TOP6BL: variants seen among roughly 807,000 people sequenced by gnomAD.
The protein encoded by TOP6BL is type 2 DNA topoisomerase 6 subunit B-like.
chr11:66,788,378 G>A, the TOP6BL span: 3 of 829,190 alleles, frequency 3.6e-6, no homozygotes, highest in Non-Finnish European at 3.8e-6. Context: ...AAGCTGGAAT[G>A]AAATAAGGCA....
the TOP6BL span, among the ~76,000 whole-genome samples, chr11:66,771,086 ACACT>A: frequency 6.6e-6 from 1 of 151,686 alleles, no homozygotes; most frequent in Non-Finnish European, 1.5e-5. Context: ...AAATTACCTG[ACACT>A]CAATAAATGT....
chr11:66,832,686 C>T, the TOP6BL span, among the ~76,000 whole-genome samples: 2 of 152,250 alleles, frequency 1.3e-5, no homozygotes, highest in Admixed American at 6.5e-5. Flanking sequence ...GCTGCTTCAC[C>T]GCAAATACTC....
chr11:66,829,941 A>G, the TOP6BL span, among the ~76,000 whole-genome samples: 4 of 152,214 alleles, frequency 2.6e-5, no homozygotes, highest in Non-Finnish European at 5.9e-5. Context: ...TAATAGAACT[A>G]TAAGGAGAAA....
the TOP6BL span, among the ~76,000 whole-genome samples, chr11:66,811,426 A>G: frequency 1.1e-4 from 16 of 152,298 alleles, no homozygotes; most frequent in South Asian, 2.1e-3. Context: ...TCCTGACCTC[A>G]AGTGATCCGC....
the TOP6BL span, among the ~76,000 whole-genome samples, chr11:66,789,709 A>G: frequency 6.6e-6 from 1 of 152,172 alleles, no homozygotes; most frequent in East Asian, 1.9e-4. Context: ...ACATTTATAT[A>G]TATTATGTAA....
At chr11:66,748,405 G>A in the TOP6BL span, 1 of 1,540,082 alleles carries the variant, frequency 6.5e-7, no homozygotes, top group African/African-American at 1.4e-5. Context: ...TAATTCACTG[G>A]AAGTGTGACA....
chr11:66,761,706 T>C, the TOP6BL span: 1 of 842,218 alleles, frequency 1.2e-6, no homozygotes, highest in Admixed American at 1.9e-5. Context: ...AGGAAATCCA[T>C]TAGGTGGTCA....
At chr11:66,784,689 A>G in the TOP6BL span, among the ~76,000 whole-genome samples, 2 of 152,192 alleles carry the variant, frequency 1.3e-5, no homozygotes, top group African/African-American at 4.8e-5. Flanking sequence ...TTCAAGGCCT[A>G]TCCATGTTGT....
chr11:66,821,045 G>C, the TOP6BL span, among the ~76,000 whole-genome samples: 5 of 152,124 alleles, frequency 3.3e-5, no homozygotes, highest in Admixed American at 3.3e-4. Flanking sequence ...CTCGCTCATG[G>C]TTAATCCTTG....
At chr11:66,803,977 T>C in the TOP6BL span, 2 of 1,568,924 alleles carry the variant, frequency 1.3e-6, no homozygotes, top group South Asian at 2.3e-5. Flanking sequence ...TAAATTTGAC[T>C]TGTCTGTTTT....
At chr11:66,842,681 G>T in the TOP6BL span, among the ~76,000 whole-genome samples, 1 of 152,204 alleles carries the variant, frequency 6.6e-6, no homozygotes, top group Non-Finnish European at 1.5e-5. Flanking sequence ...GCCTCGGGCT[G>T]CTCCAGAAGC....
chr11:66,813,311 T>G, the TOP6BL span, among the ~76,000 whole-genome samples: 1 of 152,230 alleles, frequency 6.6e-6, no homozygotes, highest in African/African-American at 2.4e-5. Context: ...GTGAACCGGA[T>G]GAATAAATAA....
chr11:66,842,914 G>A, the TOP6BL span: 1 of 1,564,780 alleles, frequency 6.4e-7, no homozygotes, highest in African/African-American at 1.4e-5. Flanking sequence ...GGAGATGCGA[G>A]CTCTGCGCTC....
At chr11:66,774,624 TTTTG>T in the TOP6BL span, among the ~76,000 whole-genome samples, 1 of 151,860 alleles carries the variant, frequency 6.6e-6, no homozygotes, top group Admixed American at 6.6e-5. Context: ...TGGCTAATTT[TTTTG>T]TTTTTTTGTT....
chr11:66,755,418 G>A, the TOP6BL span, among the ~76,000 whole-genome samples: 4 of 152,178 alleles, frequency 2.6e-5, no homozygotes, highest in Non-Finnish European at 4.4e-5. Flanking sequence ...ACTGTGCCTA[G>A]CCTGTAGTGT....
the TOP6BL span, among the ~76,000 whole-genome samples, chr11:66,810,629 T>C: frequency 2.0e-5 from 3 of 152,176 alleles, no homozygotes; most frequent in African/African-American, 4.8e-5. Context: ...CAGTCAATTA[T>C]GTATTTGTCT....
the TOP6BL span, chr11:66,744,815 G>C: frequency 4.6e-6 from 6 of 1,294,508 alleles, no homozygotes; most frequent in East Asian, 1.9e-4. Context: ...CCGGGCTGAG[G>C]AGGGGGCGGC....
chr11:66,788,950 A>G, the TOP6BL span, among the ~76,000 whole-genome samples: 2 of 152,174 alleles, frequency 1.3e-5, no homozygotes, highest in Admixed American at 1.3e-4. Context: ...TAAGGACACC[A>G]GTCCTATTAA....
At chr11:66,763,956 T>A in the TOP6BL span, among the ~76,000 whole-genome samples, 1 of 152,214 alleles carries the variant, frequency 6.6e-6, no homozygotes, top group Non-Finnish European at 1.5e-5. Flanking sequence ...GGTAAGAATG[T>A]TCTCCCTTTA....
Sources: gnomAD v4.1 joint callset for allele counts (sites outside exome capture counted in the v4.1 genomes callset) on GRCh38, gnomAD v4.1.1 for gene constraint, MANE v1.5 for transcripts, NCBI Gene and HGNC (gene_info 2026-07-23, HGNC 2026-07-21) for gene names.